The following SOX5 variants were observed in gnomAD, a reference collection of about 807,000 sequenced individuals.
The protein encoded by SOX5 is SRY-box transcription factor 5.
Under a neutral mutation model 92.0 loss-of-function variants are expected in SOX5, and 9 were observed. The observed-to-expected ratio is 0.10, with a 90% CI of 0.06 to 0.17. The LOEUF is 0.17. Among genes scored for constraint, SOX5 ranks in the 10% least tolerant of loss-of-function variants. The pLI, the probability that SOX5 is intolerant of heterozygous loss-of-function variation, is 1.00. For missense variants in SOX5, 642 were observed against 944.5 expected (o/e 0.68, Z 4.20); for synonymous variants, 344 against 336.3 (o/e 1.02, Z -0.25).
In SOX5 at chr12:23,895,881, T is replaced by C. The variant is rs1341904159; in HGVS notation, c.182A>G (p.Lys61Arg). 2 of 1,614,176 alleles carry C rather than the reference T, an allele frequency of 1.2e-6. No homozygotes were observed. Residue 61 changes from lysine to arginine, a missense_variant, in exon 2 of 15, where the codon AAG becomes AGG. Physicochemically the swap from Lys to Arg is conservative, Grantham distance 26. Transcript: ENST00000451604. ...HLPLHVSFPN[K>R]PHSEEFQPVS... is the part of the protein sequence containing the mutation. ...TGGCTGAAATTCCTCAGAGTGAGGC[T>C]TGTTGGGAAAACTCACATGCAAGGG... is the stretch of plus-strand genomic sequence containing the variant.
At chr12:23,886,187 C>T (rs1275072934) in intron 2 of SOX5, among the ~76,000 whole-genome samples, 1 of 151,992 alleles carries the variant, frequency 6.6e-6, no homozygotes, top group Admixed American at 6.6e-5. Flanking sequence ...CACCTCAAAG[C>T]CCAAGTGTTT....
chr12:23,555,156 C>CTT lies in SOX5; in HGVS notation c.1488+8100_1488+8101dup, dbSNP rs552292020. Among the ~76,000 whole-genome samples the CTT allele has an allele frequency of 5.3e-5, 8 of 152,238 alleles. 1 individual carries two copies. In the East Asian group the frequency reaches 1.5e-3, roughly 29 times the overall value. ...TATTGTTGCCATTTTGTTGTATATTCTTTTAGTCTTTTATCTATGCATTAT... is the reference window on the plus strand; with the variant it reads ...TATTGTTGCCATTTTGTTGTATATTCTTTTTTAGTCTTTTATCTATGCATTAT... On this transcript the variant is annotated intron_variant, in intron 11 of 14. Transcript: ENST00000451604.
chr12:23,594,619 T>A (rs1183572878), intron 9 of SOX5, among the ~76,000 whole-genome samples: 1 of 152,144 alleles, frequency 6.6e-6, no homozygotes, highest in Non-Finnish European at 1.5e-5. Flanking sequence ...TAACAATAGC[T>A]AGATAAGTAG....
At chr12:23,609,783 G>T in intron 8 of SOX5, among the ~76,000 whole-genome samples, 1 of 152,216 alleles carries the variant, frequency 6.6e-6, no homozygotes, top group East Asian at 1.9e-4. Context: ...CTAAAGTGTG[G>T]CTCAATAAAA....
At chr12:24,151,843 G>A (rs1951686320) in intron 4 of SOX5, among the ~76,000 whole-genome samples, 1 of 151,740 alleles carries the variant, frequency 6.6e-6, no homozygotes, top group South Asian at 2.1e-4. Flanking sequence ...TGAGTTCATA[G>A]AATACGATGC....
intron 4 of SOX5, among the ~76,000 whole-genome samples, chr12:23,998,684 C>T (rs1360988886): frequency 6.6e-6 from 1 of 151,582 alleles, no homozygotes; most frequent in African/African-American, 2.4e-5. Context: ...GGCTTGTAAT[C>T]CCAGCTCCTT....
At chr12:24,514,792 T>A (rs1281069639) in intron 1 of SOX5, among the ~76,000 whole-genome samples, 1 of 152,110 alleles carries the variant, frequency 6.6e-6, no homozygotes, top group Non-Finnish European at 1.5e-5. Context: ...CTTAGCAAAC[T>A]AACATAAGAA....
intron 4 of SOX5, among the ~76,000 whole-genome samples, chr12:24,053,182 C>G (rs1957734893): frequency 1.4e-5 from 2 of 145,660 alleles, no homozygotes; most frequent in South Asian, 2.2e-4. Context: ...CTGCACGCCC[C>G]CCCCCTTTTT....
chr12:23,624,349 A>T (rs576588620), intron 8 of SOX5, among the ~76,000 whole-genome samples: 1 of 152,200 alleles, frequency 6.6e-6, no homozygotes, highest in African/African-American at 2.4e-5. Flanking sequence ...TTTATGTTAA[A>T]CATATTTTAC....
At chr12:24,538,002 G>C (rs1209158283) in intron 1 of SOX5, among the ~76,000 whole-genome samples, 1 of 152,076 alleles carries the variant, frequency 6.6e-6, no homozygotes, top group Admixed American at 6.5e-5. Context: ...AGACAAACAG[G>C]AATACCACCT....
chr12:23,891,355 C>T (rs936004241), intron 2 of SOX5, among the ~76,000 whole-genome samples: 3 of 152,194 alleles, frequency 2.0e-5, no homozygotes, highest in Admixed American at 1.3e-4. Context: ...CATCCTACTT[C>T]CTCAAAGTCT....
At chr12:24,543,162 G>A (rs1431153792) in intron 1 of SOX5, among the ~76,000 whole-genome samples, 1 of 152,184 alleles carries the variant, frequency 6.6e-6, no homozygotes, top group African/African-American at 2.4e-5. Context: ...AACACTGGAG[G>A]AGAGAGCATC....
At chr12:23,708,742 C>T (rs957267888) in intron 6 of SOX5, among the ~76,000 whole-genome samples, 1 of 152,202 alleles carries the variant, frequency 6.6e-6, no homozygotes, top group African/African-American at 2.4e-5. Context: ...ACACGCACAA[C>T]GTTATAGAAA....
intron 1 of SOX5, among the ~76,000 whole-genome samples, chr12:24,545,598 T>C (rs1202102927): frequency 6.6e-6 from 1 of 152,190 alleles, no homozygotes; most frequent in Non-Finnish European, 1.5e-5. Flanking sequence ...CATGGACCAA[T>C]TGCTAGTTCT....
chr12:23,591,068 T>C (rs1466336507), intron 9 of SOX5, among the ~76,000 whole-genome samples: 1 of 150,862 alleles, frequency 6.6e-6, no homozygotes, highest in Non-Finnish European at 1.5e-5. Context: ...TTTGTCTTAT[T>C]AAATTCTCAA....
At chr12:23,976,390 T>TAAAAAAAAAAAAAAA (rs1327142180) in intron 4 of SOX5, among the ~76,000 whole-genome samples, 3 of 111,576 alleles carry the variant, frequency 2.7e-5, no homozygotes, top group African/African-American at 1.1e-4. Context: ...TGAACACTAT[T>TAAAAAAAAAAAAAAA]AAAAAAACAA....
chr12:23,727,818 T>G (rs940989104), intron 6 of SOX5, among the ~76,000 whole-genome samples: 1 of 151,938 alleles, frequency 6.6e-6, no homozygotes, highest in Non-Finnish European at 1.5e-5. Context: ...AAAAGAAGAG[T>G]AAAGTATAGA....
intron 3 of SOX5, among the ~76,000 whole-genome samples, chr12:23,778,499 T>C (rs903705939): frequency 1.3e-4 from 20 of 152,154 alleles, no homozygotes; most frequent in Non-Finnish European, 2.9e-4. Context: ...GTTTGATATG[T>C]GTAGGGCATA....
chr12:23,557,411 A>C (rs1384764532), intron 11 of SOX5, among the ~76,000 whole-genome samples: 4 of 152,216 alleles, frequency 2.6e-5, no homozygotes, highest in Non-Finnish European at 5.9e-5. Flanking sequence ...CATAGCATGC[A>C]TTATATGTTT....
Sources: allele counts gnomAD v4.1 joint callset (sites outside exome capture counted in the v4.1 genomes callset), GRCh38; gene constraint gnomAD v4.1.1; transcripts MANE v1.5; gene names NCBI Gene and HGNC (gene_info 2026-07-23, HGNC 2026-07-21).